The following PPHLN1 variants were observed in gnomAD, a reference collection of about 807,000 sequenced individuals.
PPHLN1 encodes the protein periphilin-1.
Under a neutral mutation model 51.3 loss-of-function variants are expected in PPHLN1, and 29 were observed. The ratio of observed to expected loss-of-function variants is 0.57; its 90% CI spans 0.42 to 0.77. The LOEUF is 0.77. PPHLN1 is among the 30% of genes least tolerant of loss of function. The pLI is 0.00. For synonymous variants in PPHLN1, 147 were observed against 147.8 expected (o/e 0.99, Z 0.04); for missense variants, 436 against 438.4 (o/e 0.99, Z 0.05).
At chr12:42,400,798 T>TTCACACACA (rs1555209232) in intron 9 of PPHLN1, among the ~76,000 whole-genome samples, 3 of 142,522 alleles carry the variant, frequency 2.1e-5, no homozygotes, top group African/African-American at 7.9e-5. Flanking sequence ...TCTCTCTCTT[T>TTCACACACA]CACACACACA....
At chr12:42,426,221 CACACA>C (rs2081469290) in intron 9 of PPHLN1, among the ~76,000 whole-genome samples, 2 of 126,064 alleles carry the variant, frequency 1.6e-5, no homozygotes, top group Non-Finnish European at 3.4e-5. Flanking sequence ...CACACACACA[CACACA>C]CACCCTCATG....
intron 8 of PPHLN1, among the ~76,000 whole-genome samples, chr12:42,394,517 C>A (rs1367491249): frequency 6.6e-6 from 1 of 152,108 alleles, no homozygotes; most frequent in Admixed American, 6.5e-5. Context: ...TTAACTACAT[C>A]TTTATACAGT....
Position 42,385,051 on chromosome 12 carries a change from C to T in PPHLN1, c.568+55C>T, listed in dbSNP as rs1375878419. The stretch of plus-strand genomic sequence containing the variant: ...ATTGTGAAGGGGTGGGAGACTTGAA[C>T]TGATAGCGGTTATGGAAATGGGGAA... On this transcript the variant is annotated intron_variant, in intron 6 of 9. Transcript: ENST00000358314. 7 of 1,500,930 alleles carry T rather than the reference C, an allele frequency of 4.7e-6. No homozygotes were observed. In the East Asian group the frequency reaches 1.6e-4, roughly 34 times the overall value. The allele number at this position is 1,500,930 out of a possible 1,614,324, so 93.0% of individuals were successfully genotyped here. A position where few individuals can be genotyped will look rare whatever the true frequency, so the allele number is the denominator to read the frequency against.
intron 4 of PPHLN1, among the ~76,000 whole-genome samples, chr12:42,365,569 C>G (rs967877085): frequency 2.6e-5 from 4 of 152,140 alleles, no homozygotes; most frequent in African/African-American, 9.7e-5. Flanking sequence ...ACAGGAGAAT[C>G]TGAGCTTCAA....
At chr12:42,347,386 A>G (rs1304483217) in intron 2 of PPHLN1, among the ~76,000 whole-genome samples, 1 of 152,258 alleles carries the variant, frequency 6.6e-6, no homozygotes, top group African/African-American at 2.4e-5. Context: ...ACATGTTTAC[A>G]GCTTAATGTA....
At chr12:42,384,761 C>T (rs1460886670) in intron 5 of PPHLN1, among the ~76,000 whole-genome samples, 179 bp from the exon 6 acceptor site, 2 of 152,160 alleles carry the variant, frequency 1.3e-5, no homozygotes, top group African/African-American at 4.8e-5. Flanking sequence ...ATTATTTATT[C>T]CCCTTCACTG....
intron 9 of PPHLN1, chr12:42,431,572 A>G: frequency 1.6e-6 from 1 of 623,488 alleles, no homozygotes; most frequent in Non-Finnish European, 2.9e-6. Flanking sequence ...GTGCGATGCA[A>G]AGACTGGCGA....
At chr12:42,333,457 C>CT (rs541620878) in intron 1 of PPHLN1, among the ~76,000 whole-genome samples, 1 of 151,444 alleles carries the variant, frequency 6.6e-6, no homozygotes, top group African/African-American at 2.4e-5. Flanking sequence ...ATTATACTTC[C>CT]TTTTTTTTAT....
At chr12:42,343,040 A>C (rs1351674880) in intron 2 of PPHLN1, among the ~76,000 whole-genome samples, 1 of 152,204 alleles carries the variant, frequency 6.6e-6, no homozygotes, top group South Asian at 2.1e-4. Flanking sequence ...GATGGGATGC[A>C]TATCAGTTCC....
At chr12:42,329,701 G>A (rs1404852003) in intron 1 of PPHLN1, 1 of 152,130 alleles carries the variant, frequency 6.6e-6, no homozygotes, top group African/African-American at 2.4e-5. Context: ...AAGATAGCAC[G>A]ATTGGGGGAT....
chr12:42,394,336 A>T (rs1278839601), intron 8 of PPHLN1, among the ~76,000 whole-genome samples: 1 of 152,158 alleles, frequency 6.6e-6, no homozygotes, highest in Non-Finnish European at 1.5e-5. Flanking sequence ...AGGATTTGAT[A>T]CTATAGGAAT....
chr12:42,387,709 A>T (rs912207544), intron 7 of PPHLN1, among the ~76,000 whole-genome samples, 174 bp downstream of exon 7: 1 of 152,172 alleles, frequency 6.6e-6, no homozygotes, highest in Non-Finnish European at 1.5e-5. Context: ...GGACTTTGAG[A>T]GACTGAGATT....
chr12:42,417,892 G>T (rs1172135433), intron 9 of PPHLN1, among the ~76,000 whole-genome samples: 2 of 141,960 alleles, frequency 1.4e-5, no homozygotes, highest in African/African-American at 2.6e-5. Flanking sequence ...TGCTTCTAAA[G>T]AGGGAAAAAA....
chr12:42,335,240 C>G (rs1038993991), intron 1 of PPHLN1, among the ~76,000 whole-genome samples: 3 of 151,234 alleles, frequency 2.0e-5, no homozygotes, highest in African/African-American at 7.3e-5. Flanking sequence ...GAATCCCAAA[C>G]CTGAAAAATG....
chr12:42,448,358 A>ATTTTTTTT (rs34304769), downstream of PPHLN1: 1 of 131,600 alleles, frequency 7.6e-6, no homozygotes. Context: ...AATCTATTTG[A>ATTTTTTTT]TTTTTTTTTT....
intron 9 of PPHLN1, among the ~76,000 whole-genome samples, chr12:42,419,229 T>C (rs1180851519): frequency 6.6e-6 from 1 of 152,164 alleles, no homozygotes; most frequent in East Asian, 1.9e-4. Context: ...ACATTTTAAA[T>C]GCTTAGAGCA....
chr12:42,386,874 T>A (rs1246027558), intron 6 of PPHLN1: 1 of 152,278 alleles, frequency 6.6e-6, no homozygotes, highest in Admixed American at 6.5e-5. Flanking sequence ...AGGTAAAGAT[T>A]AGTGACTTTA....
chr12:42,346,661 A>G (rs1276056691), intron 2 of PPHLN1, among the ~76,000 whole-genome samples: 1 of 152,090 alleles, frequency 6.6e-6, no homozygotes, highest in African/African-American at 2.4e-5. Context: ...TTCTCTAGGA[A>G]TTTCCATACT....
At chr12:42,396,615 C>CAAAAAAAAAAAAAAAAAAAAAA (rs60131845) in intron 8 of PPHLN1, among the ~76,000 whole-genome samples, 1 of 85,496 alleles carries the variant, frequency 1.2e-5, no homozygotes. Context: ...CTTGTCACTA[C>CAAAAAAAAAAAAAAAAAAAAAA]AAAAAAAAAA....
Sources: allele counts gnomAD v4.1 joint callset (sites outside exome capture counted in the v4.1 genomes callset), GRCh38; gene constraint gnomAD v4.1.1; transcripts MANE v1.5; gene names NCBI Gene and HGNC (gene_info 2026-07-23, HGNC 2026-07-21).